GRAMD2A: variants seen among roughly 807,000 people sequenced by gnomAD.
The protein encoded by GRAMD2A is GRAM domain containing 2A, also known as GRAM domain-containing protein 2A.
A neutral mutation model predicts 51.1 loss-of-function variants in GRAMD2A; 37 were observed. The observed-to-expected ratio is 0.72, with a 90% CI of 0.56 to 0.95. GRAMD2A has a LOEUF of 0.95. Ranked by LOEUF, GRAMD2A falls within the 40% of genes least tolerant of loss-of-function variation. The pLI is 0.00. For synonymous variants in GRAMD2A, 136 were observed against 157.1 expected, an observed-to-expected ratio of 0.87 and a Z score of 1.01; for missense variants, 414 against 426.9, an observed-to-expected ratio of 0.97 and a Z score of 0.27.
chr15:72,179,372 C>T (rs1248245690), intron 1 of GRAMD2A, among the ~76,000 whole-genome samples: 2 of 152,172 alleles, frequency 1.3e-5, no homozygotes, highest in African/African-American at 2.4e-5. Context: ...CTGGGAAATC[C>T]GAGATGTGGA....
intron 8 of GRAMD2A, among the ~76,000 whole-genome samples, chr15:72,164,857 G>A (rs113944470): frequency 9.8e-4 from 149 of 152,278 alleles, no homozygotes; most frequent in African/African-American, 3.4e-3. Context: ...TCAGCCTATC[G>A]GCTGGGCACG....
chr15:72,168,474 A>C lies in GRAMD2A; in HGVS notation c.268+17T>G, dbSNP rs1370885086. On this transcript the variant is annotated intron_variant, in intron 4 of 11. Coordinates refer to ENST00000309731, the MANE Select transcript of GRAMD2A (RefSeq NM_001012642.3). ...GCACTCTGGGTGCCTAACCAGCTAT[A>C]CCGGGAGACAGCTCACCTTTGAGAA... 1 of 1,604,638 alleles carries C rather than the reference A, an allele frequency of 6.2e-7. No individual in the cohort carries two copies. Among genetic ancestry groups the C allele is most frequent in the Admixed American group, 1.7e-5 (1 of 60,020 alleles).
chr15:72,194,038 C>A (rs768938026), intron 1 of GRAMD2A, among the ~76,000 whole-genome samples: 14 of 152,196 alleles, frequency 9.2e-5, no homozygotes, highest in Non-Finnish European at 1.8e-4. Flanking sequence ...CCTTCCTTTC[C>A]CACATTAGCA....
At chr15:72,196,698 C>G (rs1247782236) in intron 1 of GRAMD2A, among the ~76,000 whole-genome samples, 1 of 152,098 alleles carries the variant, frequency 6.6e-6, no homozygotes, top group East Asian at 1.9e-4. Context: ...TACCCTCTCT[C>G]GTTCCCTAGG....
At position 72,168,584 on chromosome 15, in the gene GRAMD2A, G is replaced by A. The variant is rs750769536; in HGVS notation, c.193-18C>T. 6 of 1,609,104 alleles carry A rather than the reference G, an allele frequency of 3.7e-6. No individual in the cohort carries two copies. The East Asian group carries it at 1.1e-4, about 30-fold the overall frequency. On this transcript the variant is annotated intron_variant, in intron 3 of 11. Transcript: ENST00000309731. ...AGTGTTATCTGCAAACACACAGGCT[G>A]CGTCTGAGAAGCGCTGGGAGATGAG... is the stretch of plus-strand genomic sequence containing the variant.
chr15:72,176,234 G>A (rs1015287600), intron 1 of GRAMD2A: 2 of 152,868 alleles, frequency 1.3e-5, no homozygotes, highest in African/African-American at 4.8e-5. Flanking sequence ...CCTAACCACA[G>A]GGCAAACCTC....
chr15:72,164,418 T>TA (rs1418858693), intron 8 of GRAMD2A, among the ~76,000 whole-genome samples: 2 of 151,536 alleles, frequency 1.3e-5, no homozygotes, highest in Non-Finnish European at 1.5e-5. Flanking sequence ...TTTATTTTTT[T>TA]TTTTTTTGAC....
At chr15:72,188,456 T>C (rs2081748117) in intron 1 of GRAMD2A, among the ~76,000 whole-genome samples, 1 of 152,136 alleles carries the variant, frequency 6.6e-6, no homozygotes, top group African/African-American at 2.4e-5. Context: ...TGGAAGGCTA[T>C]GTAACCATTA....
At chr15:72,192,993 GC>G (rs2081778958) in intron 1 of GRAMD2A, among the ~76,000 whole-genome samples, 1 of 151,940 alleles carries the variant, frequency 6.6e-6, no homozygotes, top group South Asian at 2.1e-4. Context: ...GGGCGTGGTG[GC>G]ACATGACTGT....
chr15:72,188,322 G>A (rs1409763912), intron 1 of GRAMD2A, among the ~76,000 whole-genome samples: 1 of 149,764 alleles, frequency 6.7e-6, no homozygotes, highest in East Asian at 2.0e-4. Flanking sequence ...GGGCAACAGA[G>A]CTAGACTTCG....
intron 1 of GRAMD2A, among the ~76,000 whole-genome samples, chr15:72,196,110 C>G (rs140706411): frequency 2.6e-5 from 4 of 152,300 alleles, no homozygotes; most frequent in African/African-American, 7.2e-5. Context: ...CTGGACCTGC[C>G]CATTTGTCCC....
rs1374130230 is a variant in GRAMD2A, at chr15:72,161,787, T to G, written c.*222A>C. 1 of 553,496 alleles carries G rather than the reference T, an allele frequency of 1.8e-6. No individual in the cohort carries two copies. The highest frequency in any genetic ancestry group is 3.3e-6 in the Non-Finnish European group (1 of 306,700). The allele number at this position is 553,496 out of a possible 1,614,324, so 34.3% of individuals were successfully genotyped here. A position where few individuals can be genotyped will look rare whatever the true frequency, so the allele number is the denominator to read the frequency against. ...GGTTCCAAAAAATCTGGCTTTTTGC[T>G]TGAGTCCAAAAATTGTAGAAGCCAG... On this transcript the variant is annotated 3_prime_UTR_variant, in exon 12 of 12. Transcript: ENST00000309731.
intron 1 of GRAMD2A, among the ~76,000 whole-genome samples, chr15:72,185,217 G>A (rs866049732): frequency 1.4e-5 from 2 of 142,980 alleles, no homozygotes; most frequent in East Asian, 2.0e-4. Context: ...TTTTTGAGAC[G>A]GAGTCTTGCT....
At chr15:72,171,717 C>T (rs928337779) in intron 1 of GRAMD2A, among the ~76,000 whole-genome samples, 3 of 152,158 alleles carry the variant, frequency 2.0e-5, no homozygotes, top group Non-Finnish European at 2.9e-5. Flanking sequence ...ACAGTTTTTT[C>T]CAAATAATTA....
At chr15:72,173,001 T>A (rs747853290) in intron 1 of GRAMD2A, among the ~76,000 whole-genome samples, 2 of 151,894 alleles carry the variant, frequency 1.3e-5, no homozygotes, top group Non-Finnish European at 2.9e-5. Context: ...CAGGGAAAAA[T>A]TCTGTGGGCT....
intron 1 of GRAMD2A, among the ~76,000 whole-genome samples, chr15:72,174,663 G>A (rs2081638858): frequency 6.6e-6 from 1 of 152,158 alleles, no homozygotes; most frequent in South Asian, 2.1e-4. Flanking sequence ...CCTCCCTAGA[G>A]GGCACAGGAG....
At chr15:72,177,161 CT>C (rs1177432170) in intron 1 of GRAMD2A, among the ~76,000 whole-genome samples, 15 of 148,276 alleles carry the variant, frequency 1.0e-4, no homozygotes, top group Non-Finnish European at 1.8e-4. Context: ...TGTGCTCAGC[CT>C]GCAGTCCTTT....
intron 1 of GRAMD2A, among the ~76,000 whole-genome samples, chr15:72,180,337 G>C (rs2081687376): frequency 6.6e-6 from 1 of 152,242 alleles, no homozygotes; most frequent in South Asian, 2.1e-4. Context: ...CTTTTTCTTG[G>C]CAGGCCACTT....
chr15:72,183,246 G>A (rs1265302065), intron 1 of GRAMD2A, among the ~76,000 whole-genome samples: 3 of 151,862 alleles, frequency 2.0e-5, no homozygotes, highest in African/African-American at 7.3e-5. Context: ...GGCCGGGCGC[G>A]GTGGCTCACG....
Sources: allele counts gnomAD v4.1 joint callset (sites outside exome capture counted in the v4.1 genomes callset), GRCh38; gene constraint gnomAD v4.1.1; transcripts MANE v1.5; gene names NCBI Gene and HGNC (gene_info 2026-07-23, HGNC 2026-07-21).